PUM2: variants seen among roughly 807,000 people sequenced by gnomAD.
PUM2 encodes pumilio homolog 2.
Under a neutral mutation model 124.5 loss-of-function variants are expected in PUM2, and 57 were observed. The ratio of observed to expected loss-of-function variants is 0.46; its 90% CI spans 0.37 to 0.57. PUM2 has a LOEUF of 0.57. Among genes scored for constraint, PUM2 ranks in the 20% least tolerant of loss-of-function variants. The probability of loss-of-function intolerance (pLI) is 0.00; values close to 1 mark genes in which losing one functional copy is unlikely to be tolerated. For synonymous variants in PUM2, 460 were observed against 446.1 expected (o/e 1.03, Z -0.39); for missense variants, 1,065 against 1,290.6 (o/e 0.83, Z 2.68).
At chr2:20,273,142 A>C (rs967117169) in intron 13 of PUM2, among the ~76,000 whole-genome samples, 1 of 152,210 alleles carries the variant, frequency 6.6e-6, no homozygotes, top group Non-Finnish European at 1.5e-5. Context: ...TGCCAGCTAC[A>C]AATTATTTCA....
chr2:20,312,173 A>C, intron 4 of PUM2, 63 bp downstream of exon 4: 4 of 1,402,788 alleles, frequency 2.9e-6, no homozygotes, highest in Non-Finnish European at 3.9e-6. Context: ...ATTAAAAATA[A>C]AAGTAACGTA....
chr2:20,276,823 T>C (rs1298911054), intron 13 of PUM2, among the ~76,000 whole-genome samples: 1 of 152,050 alleles, frequency 6.6e-6, no homozygotes, highest in African/African-American at 2.4e-5. Context: ...CACAGGTAAT[T>C]GCTAATTCCA....
chr2:20,279,732 T>A (rs1671069706), intron 12 of PUM2, among the ~76,000 whole-genome samples: 1 of 152,180 alleles, frequency 6.6e-6, no homozygotes, highest in Non-Finnish European at 1.5e-5. Flanking sequence ...GAGCTATACA[T>A]GCTCAGAAGA....
intron 2 of PUM2, among the ~76,000 whole-genome samples, chr2:20,322,898 T>C (rs867764742): frequency 2.0e-5 from 3 of 152,140 alleles, no homozygotes; most frequent in South Asian, 2.1e-4. Flanking sequence ...AACACAAAAA[T>C]GGTGCTTTTC....
rs532197366 is a variant in PUM2 at position 20,262,475 on chromosome 2, T to C, written c.2225+718A>G. 1.6e-3 allele frequency among the ~76,000 whole-genome samples: 249 copies of C among 152,362 alleles called. 2 individuals carry two copies. The highest frequency in any genetic ancestry group is 5.9e-3 in the African/African-American group (244 of 41,588). ...TATACAGAGTAGGTGTGTAGTAGGCTATGCCATCTAGGTTTGCATAGGTAC... is the reference window on the plus strand; with the variant it reads ...TATACAGAGTAGGTGTGTAGTAGGCCATGCCATCTAGGTTTGCATAGGTAC... On this transcript the variant is annotated intron_variant, in intron 14 of 20. Coordinates refer to ENST00000361078, the MANE Select transcript of PUM2 (RefSeq NM_015317.5).
chr2:20,288,205 T>C (rs764180273), intron 10 of PUM2, among the ~76,000 whole-genome samples: 1 of 152,180 alleles, frequency 6.6e-6, no homozygotes, highest in Non-Finnish European at 1.5e-5. Flanking sequence ...AGCCAGACTG[T>C]CTTTTATATT....
At chr2:20,305,641 T>C (rs1044625741) in intron 7 of PUM2, among the ~76,000 whole-genome samples, 2 of 151,896 alleles carry the variant, frequency 1.3e-5, no homozygotes, top group East Asian at 3.9e-4. Context: ...TTAAAAGAAA[T>C]AATTATTATA....
At chr2:20,317,001 A>G (rs1260968086) in intron 3 of PUM2, among the ~76,000 whole-genome samples, 1 of 152,092 alleles carries the variant, frequency 6.6e-6, no homozygotes, top group Admixed American at 6.6e-5. Flanking sequence ...ACTGCACTCC[A>G]GCCTGGGCCA....
At chr2:20,317,746 CCT>C (rs748311554) in intron 3 of PUM2, among the ~76,000 whole-genome samples, 66 of 152,058 alleles carry the variant, frequency 4.3e-4, no homozygotes, top group Non-Finnish European at 8.1e-4. Flanking sequence ...CTGTTGTTCC[CCT>C]CTTTGTGTCC....
At chr2:20,315,836 CA>C (rs60828412) in intron 3 of PUM2, among the ~76,000 whole-genome samples, 35,080 of 73,252 alleles carry the variant, frequency 0.48, 4,562 homozygotes, top group East Asian at 0.65. Flanking sequence ...AACCTGGTCT[CA>C]AAAAAAAAAA....
intron 3 of PUM2, among the ~76,000 whole-genome samples, chr2:20,316,256 C>T (rs1680907859): frequency 6.6e-6 from 1 of 152,148 alleles, no homozygotes; most frequent in African/African-American, 2.4e-5. Context: ...AAATCACCAA[C>T]ATTTTCCAGA....
At position 20,350,801 on chromosome 2, in the gene PUM2, G is replaced by A; in HGVS notation, c.-223C>T. ...ACCGAAGTACCGAGGGTGAGACACA[G>A]AGACTCACAACAACATGGCTGCCAC... On this transcript the variant is annotated 5_prime_UTR_variant, in exon 1 of 21. Transcript: ENST00000361078. 1.0e-6 allele frequency: 1 copy of A among 972,986 alleles called. No individual in the cohort carries two copies. The allele number at this position is 972,986 out of a possible 1,614,324, so 60.3% of individuals were successfully genotyped here.
intron 1 of PUM2, among the ~76,000 whole-genome samples, chr2:20,330,165 C>G (rs953267566): frequency 6.6e-6 from 1 of 152,120 alleles, no homozygotes; most frequent in African/African-American, 2.4e-5. Context: ...GGGCCCAGAA[C>G]ATACAGGACA....
At chr2:20,286,104 A>C (rs966030139) in intron 10 of PUM2, among the ~76,000 whole-genome samples, 4 of 152,318 alleles carry the variant, frequency 2.6e-5, no homozygotes, top group African/African-American at 9.6e-5. Flanking sequence ...TTTTACTCTG[A>C]CTTCAGGCAG....
Position 20,327,393 on chromosome 2 carries a change from A to G in PUM2, c.-18-15T>C. On this transcript the variant is annotated splice_polypyrimidine_tract_variant and intron_variant, in intron 1 of 20. Coordinates refer to ENST00000361078, the MANE Select transcript of PUM2 (RefSeq NM_015317.5). ...ACAGATCAAACCTGTTGAATAACAA[A>G]AACAAAAATTAGTACAAAGAAATGT... 6.7e-7 allele frequency: 1 copy of G among 1,496,976 alleles called. No individual in the cohort carries two copies. Among genetic ancestry groups the G allele is most frequent in the Middle Eastern group, 1.7e-4 (1 of 5,786 alleles). 92.7% of individuals were successfully genotyped at this position (1,496,976 alleles called of 1,614,324 possible).
At chr2:20,325,878 C>A (rs1278698327) in intron 2 of PUM2, among the ~76,000 whole-genome samples, 1 of 152,192 alleles carries the variant, frequency 6.6e-6, no homozygotes, top group Non-Finnish European at 1.5e-5. Context: ...ACCTTGGACT[C>A]CCAAAGTGCT....
At chr2:20,261,487 T>C (rs1666263179) in intron 14 of PUM2, among the ~76,000 whole-genome samples, 1 of 150,786 alleles carries the variant, frequency 6.6e-6, no homozygotes. Flanking sequence ...TTTGTGTATT[T>C]AGTATACTTT....
Position 20,254,875 on chromosome 2 carries a change from T to C in PUM2, c.2858A>G (p.His953Arg), listed in dbSNP as rs1269862456. The C allele has an allele frequency of 2.5e-6, 4 of 1,613,258 alleles. No homozygotes were observed. The highest frequency in any genetic ancestry group is 3.4e-6 in the Non-Finnish European group (4 of 1,179,758). The change falls in exon 19 of 21, where the codon CAC (histidine) becomes CGC (arginine). Residue 953 changes from histidine to arginine, a missense_variant. By Grantham distance (29) the His-to-Arg change is conservative. Transcript: ENST00000361078. ...AGTATTACAATACCTGGCAAATTTG[T>C]GTTGACTCAGGGCTAAAACCTTTCC... ...IRGKVLALSQ[H>R]KFASNVVEKC...
In PUM2 at chr2:20,282,983, C is replaced by G. The variant is rs367914096; in HGVS notation, c.1684G>C (p.Ala562Pro). ...AATCCACTGAGGGCTGAGCCTATAGCAGCACCCAAAGAGTTACCACTTCCA... is the reference window on the plus strand; with the variant it reads ...AATCCACTGAGGGCTGAGCCTATAGGAGCACCCAAAGAGTTACCACTTCCA... ...GFGSGNSLGA[A>P]IGSALSGFGS... The change falls in exon 12 of 21, where the codon GCT becomes CCT. Residue 562 changes from alanine (A) to proline (P), a missense_variant. Transcript: ENST00000361078. 8.7e-6 allele frequency: 14 copies of G among 1,613,970 alleles called. No homozygotes were observed. The African/African-American group carries it at 9.3e-5, about 11-fold the overall frequency.
Sources: allele counts gnomAD v4.1 joint callset (sites outside exome capture counted in the v4.1 genomes callset), GRCh38; gene constraint gnomAD v4.1.1; transcripts MANE v1.5; gene names NCBI Gene and HGNC (gene_info 2026-07-23, HGNC 2026-07-21).